DLGAP2: variants seen among roughly 807,000 people sequenced by gnomAD.
DLGAP2 encodes the protein DLG associated protein 2.
A neutral mutation model predicts 100.3 loss-of-function variants in DLGAP2; 26 were observed. The observed-to-expected ratio is 0.26, with a 90% CI of 0.19 to 0.36. The LOEUF (loss-of-function observed/expected upper bound fraction) is 0.36. DLGAP2 is among the 10% of genes least tolerant of loss of function. DLGAP2 has a pLI of 1.00. For missense variants in DLGAP2, 1,858 were observed against 1,453.2 expected (o/e 1.28, Z -4.53); for synonymous variants, 886 against 630.1 (o/e 1.41, Z -6.08).
chr8:1,132,732 G>A (rs933542861), intron 2 of DLGAP2, among the ~76,000 whole-genome samples: 1 of 152,184 alleles, frequency 6.6e-6, no homozygotes, highest in South Asian at 2.1e-4. Context: ...GATTTTTAAA[G>A]GTAGGGTTGC....
chr8:855,080 C>T (rs538967761), intron 1 of DLGAP2, among the ~76,000 whole-genome samples: 7 of 152,174 alleles, frequency 4.6e-5, no homozygotes, highest in Admixed American at 1.3e-4. Context: ...GGGGAGGAGG[C>T]GGGAGCAGGT....
rs1798413281 is a variant in DLGAP2, at chr8:907,919, C to G, written c.26C>G (p.Pro9Arg). MSALRKVL[P>R]GILQKHCCIL... ...TTATTTGTTTTAAAACAGGTTTTGC[C>G]TGGCATTCTGCAGAAGCATTGCTGT... Residue 9 changes from proline to arginine, a missense_variant, in exon 2 of 15, where the codon CCT (proline) becomes CGT (arginine). By Grantham distance (103) the Pro-to-Arg change is moderately radical. Coordinates refer to ENST00000637795, the MANE Select transcript of DLGAP2 (RefSeq NM_001346810.2). 2.5e-6 allele frequency: 1 copy of G among 398,944 alleles called. No homozygotes were observed. Among genetic ancestry groups the G allele is most frequent in the Admixed American group, 4.4e-5 (1 of 22,738 alleles). 24.7% of individuals were successfully genotyped at this position (398,944 alleles called of 1,614,324 possible).
chr8:923,957 A>G (rs1479748075), intron 2 of DLGAP2, among the ~76,000 whole-genome samples: 1 of 152,214 alleles, frequency 6.6e-6, no homozygotes. Context: ...GAAGAGAGGG[A>G]TCCAGCTTAA....
At chr8:967,848 A>T (rs1194855816) in intron 2 of DLGAP2, among the ~76,000 whole-genome samples, 4 of 82,116 alleles carry the variant, frequency 4.9e-5, no homozygotes, top group African/African-American at 5.5e-5. Flanking sequence ...ATATATATAT[A>T]TATATATATA....
rs544198018 is a variant in DLGAP2 at position 1,181,793 on chromosome 8, C to T, written c.74-77058C>T. Among the ~76,000 whole-genome samples, 71 of 152,188 alleles carry T rather than the reference C, an allele frequency of 4.7e-4. 1 individual carries two copies. The South Asian group carries it at 0.011, about 23-fold the overall frequency. On this transcript the variant is annotated intron_variant, in intron 2 of 14. Transcript: ENST00000637795. ...GGGCTAGGGATTGATGGATGGAGACCCCGGGAGGAGGCACCCACGCAGAAG... is the reference window on the plus strand; with the variant it reads ...GGGCTAGGGATTGATGGATGGAGACTCCGGGAGGAGGCACCCACGCAGAAG...
At chr8:1,149,535 T>C (rs972859904) in intron 2 of DLGAP2, among the ~76,000 whole-genome samples, 6 of 152,238 alleles carry the variant, frequency 3.9e-5, no homozygotes, top group Non-Finnish European at 5.9e-5. Flanking sequence ...TTTGGGTTAA[T>C]ATTTGCATGT....
At chr8:940,883 G>T (rs371878952) in intron 2 of DLGAP2, among the ~76,000 whole-genome samples, 1 of 152,224 alleles carries the variant, frequency 6.6e-6, no homozygotes, top group African/African-American at 2.4e-5. Flanking sequence ...CAGGCTGCTC[G>T]GGAGGCTGAG....
intron 14 of DLGAP2, among the ~76,000 whole-genome samples, chr8:1,700,534 G>T (rs1799537273): frequency 6.6e-6 from 1 of 152,362 alleles, no homozygotes; most frequent in East Asian, 1.9e-4. Context: ...ATAATTGTGA[G>T]ATTTATCTAA....
intron 3 of DLGAP2, among the ~76,000 whole-genome samples, chr8:1,488,078 A>T (rs1799276526): frequency 6.6e-6 from 1 of 152,198 alleles, no homozygotes; most frequent in Non-Finnish European, 1.5e-5. Flanking sequence ...CAGCAGTTTC[A>T]AGCTGTGGCA....
At chr8:1,174,300 C>A (rs1797203422) in intron 2 of DLGAP2, among the ~76,000 whole-genome samples, 1 of 151,498 alleles carries the variant, frequency 6.6e-6, no homozygotes, top group South Asian at 2.1e-4. Context: ...ATCATCACCA[C>A]CGTCATTACC....
In DLGAP2 at chr8:746,837, C is replaced by T. The variant is rs369501298; in HGVS notation, c.18+9012C>T. ...TGTCTGCTCTGTGGCCTTCACCATC[C>T]CGGTGTAGCCCCTGCTGGCTGCGGA... On this transcript the variant is annotated intron_variant, in intron 1 of 14. Coordinates refer to ENST00000637795, the MANE Select transcript of DLGAP2 (RefSeq NM_001346810.2). Among the ~76,000 whole-genome samples the T allele has an allele frequency of 4.6e-5, 7 of 152,342 alleles. No individual in the cohort carries two copies. The South Asian group carries it at 8.3e-4, about 18-fold the overall frequency.
chr8:995,053 C>T (rs1239938160), intron 2 of DLGAP2, among the ~76,000 whole-genome samples: 1 of 152,148 alleles, frequency 6.6e-6, no homozygotes, highest in Non-Finnish European at 1.5e-5. Flanking sequence ...TTAACAGTCT[C>T]AGAGTCCATA....
chr8:1,429,659 G>A (rs531082955), intron 3 of DLGAP2, among the ~76,000 whole-genome samples: 66 of 151,924 alleles, frequency 4.3e-4, no homozygotes, highest in African/African-American at 1.5e-3. Context: ...CCCGGTGTCA[G>A]CACAGTTAAA....
intron 2 of DLGAP2, among the ~76,000 whole-genome samples, chr8:917,388 G>A (rs529990181): frequency 6.6e-5 from 10 of 152,008 alleles, no homozygotes; most frequent in South Asian, 6.3e-4. Context: ...ACAGGTGTGC[G>A]CCACCACACC....
At chr8:1,236,157 T>G (rs1409515268) in intron 2 of DLGAP2, among the ~76,000 whole-genome samples, 1 of 78,818 alleles carries the variant, frequency 1.3e-5, no homozygotes, top group Non-Finnish European at 2.6e-5. Context: ...CTCTCACACA[T>G]AGCGTCTTGT....
intron 4 of DLGAP2, among the ~76,000 whole-genome samples, chr8:1,539,583 TG>T (rs1307617233): frequency 1.3e-5 from 2 of 151,806 alleles, no homozygotes; most frequent in African/African-American, 4.8e-5. Context: ...GGAGCTGTGA[TG>T]GGGCCACCTT....
intron 3 of DLGAP2, among the ~76,000 whole-genome samples, chr8:1,316,231 C>T (rs1800744099): frequency 7.7e-6 from 1 of 130,010 alleles, no homozygotes; most frequent in African/African-American, 2.8e-5. Flanking sequence ...CAACAGTGGT[C>T]TACACTCGAG....
At chr8:924,565 C>T (rs541130655) in intron 2 of DLGAP2, among the ~76,000 whole-genome samples, 4 of 151,952 alleles carry the variant, frequency 2.6e-5, no homozygotes, top group Non-Finnish European at 4.4e-5. Context: ...GCATGCTTAT[C>T]CCGGTTATTC....
In DLGAP2 at chr8:1,548,994, G is replaced by C. The variant is rs1453171760; in HGVS notation, c.541G>C (p.Ala181Pro). 1 of 1,599,050 alleles carries C rather than the reference G, an allele frequency of 6.3e-7. No individual in the cohort carries two copies. Among genetic ancestry groups the C allele is most frequent in the Non-Finnish European group, 8.5e-7 (1 of 1,179,024 alleles). The change falls in exon 5 of 15, where the codon GCG becomes CCG. Residue 181 changes from alanine to proline, a missense_variant. By Grantham distance (27) the Ala-to-Pro change is conservative. Coordinates refer to ENST00000637795, the MANE Select transcript of DLGAP2 (RefSeq NM_001346810.2). ...GCGCGACGACTGCGCTGTGGCCCAC[G>C]CGGGCGCCAAGATCAACCGCATCCC... Reference protein sequence around the residue: ...DTRDDCAVAHAGAKINRIPAN... With the variant: ...DTRDDCAVAHPGAKINRIPAN...
Sources: gnomAD v4.1 joint callset for allele counts (sites outside exome capture counted in the v4.1 genomes callset) on GRCh38, gnomAD v4.1.1 for gene constraint, MANE v1.5 for transcripts, NCBI Gene and HGNC (gene_info 2026-07-23, HGNC 2026-07-21) for gene names.